DTNA: variants seen among roughly 807,000 people sequenced by gnomAD.
DTNA encodes the protein dystrophin-related protein 3.
A neutral mutation model predicts 100.7 loss-of-function variants in DTNA; 43 were observed. The ratio of observed to expected loss-of-function variants is 0.43; its 90% CI spans 0.33 to 0.55. The LOEUF is 0.55. DTNA is among the 20% of genes least tolerant of loss of function. The pLI is 0.04. For missense variants in DTNA, 798 were observed against 953.9 expected (o/e 0.84, Z 2.15); for synonymous variants, 349 against 347.9 (o/e 1.00, Z -0.04).
intron 19 of DTNA, among the ~76,000 whole-genome samples, chr18:34,878,697 T>G (rs532336219): frequency 1.3e-5 from 2 of 152,328 alleles, no homozygotes; most frequent in South Asian, 4.1e-4. Flanking sequence ...CAGAAATAAA[T>G]AGCATAAAAT....
chr18:34,680,397 G>T (rs1018237405), intron 1 of DTNA, among the ~76,000 whole-genome samples: 2 of 152,168 alleles, frequency 1.3e-5, no homozygotes, highest in African/African-American at 4.8e-5. Flanking sequence ...TGAGGATATT[G>T]TGTGGCTTTC....
intron 1 of DTNA, among the ~76,000 whole-genome samples, chr18:34,613,729 T>G (rs535875203): frequency 6.6e-6 from 1 of 152,326 alleles, no homozygotes; most frequent in East Asian, 1.9e-4. Context: ...GAAGAAGAGT[T>G]GGAAGCTAGG....
At chr18:34,608,853 G>A (rs180888597) in intron 1 of DTNA, among the ~76,000 whole-genome samples, 2 of 152,230 alleles carry the variant, frequency 1.3e-5, no homozygotes, top group Admixed American at 6.5e-5. Context: ...ACCTTGGATT[G>A]GCTGTGCTAT....
intron 1 of DTNA, among the ~76,000 whole-genome samples, chr18:34,655,964 G>A (rs1339593580): frequency 1.3e-5 from 2 of 152,106 alleles, no homozygotes; most frequent in African/African-American, 2.4e-5. Flanking sequence ...AGCACAAAAG[G>A]GAGGCTTTAC....
chr18:34,811,328 C>T (rs1445280174), intron 5 of DTNA, among the ~76,000 whole-genome samples: 1 of 151,826 alleles, frequency 6.6e-6, no homozygotes, highest in Non-Finnish European at 1.5e-5. Context: ...ACCAGGCTTC[C>T]TCTTCACTAC....
intron 1 of DTNA, among the ~76,000 whole-genome samples, chr18:34,625,040 T>G (rs912582156): frequency 1.5e-4 from 22 of 151,578 alleles, no homozygotes; most frequent in African/African-American, 5.3e-4. Flanking sequence ...AGTTAATTTT[T>G]TTTTTTTTTT....
At chr18:34,780,365 A>G (rs909420883) in intron 3 of DTNA, among the ~76,000 whole-genome samples, 1 of 152,210 alleles carries the variant, frequency 6.6e-6, no homozygotes. Context: ...GTGTCCTACA[A>G]TGTCTGTCAA....
intron 1 of DTNA, among the ~76,000 whole-genome samples, chr18:34,541,969 G>T (rs1451711493): frequency 6.6e-6 from 1 of 152,012 alleles, no homozygotes; most frequent in Non-Finnish European, 1.5e-5. Context: ...GCAAATCATA[G>T]AAAGTTTGTG....
intron 1 of DTNA, among the ~76,000 whole-genome samples, chr18:34,715,319 AT>A (rs1417421280): frequency 2.6e-5 from 4 of 152,168 alleles, no homozygotes; most frequent in Non-Finnish European, 5.9e-5. Flanking sequence ...AATTAGTTAT[AT>A]TTTTAGTATA....
chr18:34,838,725 T>A lies in DTNA; in HGVS notation c.1254-20T>A. On this transcript the variant is annotated intron_variant, in intron 12 of 22. Coordinates refer to ENST00000444659, the MANE Select transcript of DTNA (RefSeq NM_001386795.1). ...CACCTCTCTTAACAACACGCTTTCT[T>A]TCCCCCTGCCCTGTTTCAGGATACA... is the stretch of plus-strand genomic sequence containing the variant. 3 of 1,607,072 alleles carry A rather than the reference T, an allele frequency of 1.9e-6. No homozygotes were observed. Among genetic ancestry groups the A allele is most frequent in the Non-Finnish European group, 2.6e-6 (3 of 1,173,698 alleles).
intron 1 of DTNA, among the ~76,000 whole-genome samples, chr18:34,698,207 A>T (rs1205235546): frequency 6.6e-6 from 1 of 152,110 alleles, no homozygotes; most frequent in Non-Finnish European, 1.5e-5. Context: ...CCCTTTTGTG[A>T]GTGAAGAGAC....
intron 7 of DTNA, 44 bp downstream of exon 7, chr18:34,816,058 A>G: frequency 6.4e-7 from 1 of 1,566,100 alleles, no homozygotes; most frequent in Non-Finnish European, 8.8e-7. Context: ...TAAATTATTG[A>G]AATTAGGCCA....
At chr18:34,715,215 A>G (rs1206979462) in intron 1 of DTNA, among the ~76,000 whole-genome samples, 14 of 148,446 alleles carry the variant, frequency 9.4e-5, no homozygotes, top group Admixed American at 9.2e-4. Context: ...AATAATAAAA[A>G]ATAGAAAAAA....
intron 1 of DTNA, among the ~76,000 whole-genome samples, chr18:34,555,305 G>C (rs1483915023): frequency 6.7e-6 from 1 of 148,154 alleles, no homozygotes; most frequent in African/African-American, 2.6e-5. Context: ...TATCAGTTTT[G>C]TTGATCATTT....
upstream of DTNA, among the ~76,000 whole-genome samples, chr18:34,705,777 T>C (rs1313040773): frequency 6.6e-6 from 1 of 152,178 alleles, no homozygotes; most frequent in Non-Finnish European, 1.5e-5. Context: ...ATTAGAAACC[T>C]GGAAAAGACT....
intron 1 of DTNA, among the ~76,000 whole-genome samples, chr18:34,723,250 C>T (rs1230370809): frequency 6.6e-6 from 1 of 152,124 alleles, no homozygotes; most frequent in Non-Finnish European, 1.5e-5. Flanking sequence ...TAAGAACTTG[C>T]CATAAGCAAA....
intron 3 of DTNA, among the ~76,000 whole-genome samples, chr18:34,790,202 G>A (rs974133371): frequency 4.6e-5 from 7 of 152,168 alleles, no homozygotes; most frequent in African/African-American, 1.7e-4. Context: ...CTAGGGGTGT[G>A]AACAGTTATC....
chr18:34,879,287 A>G (rs1027222667), intron 19 of DTNA, among the ~76,000 whole-genome samples: 3 of 152,254 alleles, frequency 2.0e-5, no homozygotes, highest in African/African-American at 7.2e-5. Context: ...TAGAAGTCTT[A>G]AAGAGTTAAG....
At chr18:34,669,073 A>C (rs1479357080) in intron 1 of DTNA, among the ~76,000 whole-genome samples, 1 of 152,140 alleles carries the variant, frequency 6.6e-6, no homozygotes, top group Non-Finnish European at 1.5e-5. Context: ...GTCTCTTTGT[A>C]GGTCTCTAAG....
Sources: gnomAD v4.1 joint callset for allele counts (sites outside exome capture counted in the v4.1 genomes callset) on GRCh38, gnomAD v4.1.1 for gene constraint, MANE v1.5 for transcripts, NCBI Gene and HGNC (gene_info 2026-07-23, HGNC 2026-07-21) for gene names.